Variants in GBX2 observed in about 807,000 individuals in gnomAD.
GBX2 encodes the protein homeobox protein GBX-2.
In GBX2, 5 loss-of-function variants were observed where a neutral mutation model predicts 22.4. The ratio of observed to expected loss-of-function variants is 0.22; its 90% CI spans 0.12 to 0.47. The LOEUF (loss-of-function observed/expected upper bound fraction) is 0.47, where lower values mean the gene tolerates loss of function less well. Among genes scored for constraint, GBX2 ranks in the 20% least tolerant of loss-of-function variants. The pLI is 0.99. For synonymous variants in GBX2, 220 were observed against 230.5 expected (o/e 0.95, Z 0.41); for missense variants, 470 against 495.4 (o/e 0.95, Z 0.49).
chr2:236,162,547 A>G (rs965353612), downstream of GBX2, among the ~76,000 whole-genome samples: 1 of 152,210 alleles, frequency 6.6e-6, no homozygotes, highest in Non-Finnish European at 1.5e-5. Context: ...GCGGATTTTC[A>G]GCATACCTTG....
At position 236,165,992 on chromosome 2, in the gene GBX2, G is replaced by A. The variant is rs114693893; in HGVS notation, c.969C>T (p.Ile323=). 8.1e-3 allele frequency: 13,118 copies of A among 1,614,138 alleles called. 92 individuals are homozygous for A. Among genetic ancestry groups the A allele is most frequent in the South Asian group, 0.018 (1,607 of 91,084 alleles). ...KTGEPSRNPK[I]VVPIPVHVSR... ...TGACGTGGACAGGGATGGGGACGAC[G>A]ATCTTAGGGTTCCGGGAGGGCTCCC... The change falls in exon 2 of 2, where the codon ATC becomes ATT. Residue 323 remains isoleucine (I), a synonymous_variant. Coordinates refer to ENST00000306318, the MANE Select transcript of GBX2 (RefSeq NM_001485.4).
Position 236,168,191 on chromosome 2 carries a change from C to T in GBX2, c.-220G>A. The T allele has an allele frequency of 3.0e-6, 1 of 330,526 alleles. No homozygotes were observed. The highest frequency in any genetic ancestry group is 5.2e-6 in the Non-Finnish European group (1 of 191,734). 20.5% of individuals were successfully genotyped at this position (330,526 alleles called of 1,614,324 possible). A position where few individuals can be genotyped will look rare whatever the true frequency, so the allele number is the denominator to read the frequency against. ...GCCGTGCGCCCCGGAGTGGAGAGGG[C>T]GCCCGGGCCCCGAGGGCTCGCCGGA... On this transcript the variant is annotated 5_prime_UTR_variant, in exon 1 of 2. Transcript: ENST00000306318.
At chr2:236,167,400 C>T (rs2060246517) in intron 1 of GBX2, 49 bp downstream of exon 1, 1 of 1,422,374 alleles carries the variant, frequency 7.0e-7, no homozygotes, top group South Asian at 1.5e-5. Context: ...CTGGCCCGCC[C>T]CCGCCTCCTC....
In GBX2 at chr2:236,167,845, C is replaced by G. The variant is rs753573351; in HGVS notation, c.127G>C (p.Gly43Arg). Residue 43 changes from glycine (G) to arginine (R), a missense_variant, in exon 1 of 2, where the codon GGC becomes CGC. This residue lies in a region of GBX2 where 377 missense variants were observed against 358.6 expected (regional missense o/e 1.05). Transcript: ENST00000306318. ...QPSPGHFVYT[G>R]YPMFMPYRPV... ...CGGTAGGGCATGAACATGGGGTAGC[C>G]GGTGTAGACGAAATGGCCGGGGCTG... The G allele has an allele frequency of 2.0e-6, 3 of 1,508,684 alleles. No homozygotes were observed. The South Asian group carries it at 3.8e-5, about 19-fold the overall frequency. 93.5% of individuals were successfully genotyped at this position (1,508,684 alleles called of 1,614,324 possible).
chr2:236,167,861 G>A lies in GBX2; in HGVS notation c.111C>T (p.Gly37=). 6.5e-7 allele frequency: 1 copy of A among 1,535,834 alleles called. No homozygotes were observed. Among genetic ancestry groups the A allele is most frequent in the Non-Finnish European group, 8.7e-7 (1 of 1,143,726 alleles). ...LIGSPPQPSP[G]HFVYTGYPMF... The stretch of plus-strand genomic sequence containing the variant: ...TGGGGTAGCCGGTGTAGACGAAATG[G>A]CCGGGGCTGGGCTGCGGCGGGCTGC... The change falls in exon 1 of 2, where the codon GGC becomes GGT. Residue 37 remains glycine (G), a synonymous_variant. Transcript: ENST00000306318.
rs938975242 is a variant in GBX2, at chr2:236,166,757, A to C, written c.524-320T>G. On this transcript the variant is annotated intron_variant, in intron 1 of 1. Coordinates refer to ENST00000306318, the MANE Select transcript of GBX2 (RefSeq NM_001485.4). The surrounding 1 kb of genome is among the most constrained non-coding windows in gnomAD (Gnocchi z 6.6). The stretch of plus-strand genomic sequence containing the variant: ...AGAAGTAGCAGGAGGCGCGAGGCCC[A>C]AGAGATTGCCCGCTTTGTCCCTGGG... Among the ~76,000 whole-genome samples the C allele has an allele frequency of 6.6e-6, 1 of 152,038 alleles. No individual in the cohort carries two copies. The highest frequency in any genetic ancestry group is 1.5e-5 in the Non-Finnish European group (1 of 68,006).
At position 236,166,116 on chromosome 2, in the gene GBX2, T is replaced by C. The variant is rs751429932; in HGVS notation, c.845A>G (p.His282Arg). ...LSLTERSQIA[H>R]ALKLSEVQVK... ...CTGCACCTCGCTGAGTTTGAGGGCG[T>C]GGGCGATCTGCGAGCGCTCGGTCAA... is the stretch of plus-strand genomic sequence containing the variant. The change falls in exon 2 of 2, where the codon CAC (histidine) becomes CGC (arginine). Residue 282 changes from histidine (H) to arginine (R), a missense_variant. By Grantham distance (29) the His-to-Arg change is conservative. Transcript: ENST00000306318. The surrounding 1 kb of genome is among the most constrained non-coding windows in gnomAD (Gnocchi z 6.6). 7 of 1,614,078 alleles carry C rather than the reference T, an allele frequency of 4.3e-6. No individual in the cohort carries two copies. In the South Asian group the frequency reaches 7.7e-5, roughly 18 times the overall value.
rs752619651 is a variant in GBX2, at chr2:236,167,864, G to C, written c.108C>G (p.Pro36=). The change falls in exon 1 of 2, where the codon CCC becomes CCG. Residue 36 remains proline, a synonymous_variant. Transcript: ENST00000306318. ...SLIGSPPQPS[P]GHFVYTGYPM... Reference sequence around the variant, plus strand: ...GGTAGCCGGTGTAGACGAAATGGCCGGGGCTGGGCTGCGGCGGGCTGCCGA... The same window carrying C: ...GGTAGCCGGTGTAGACGAAATGGCCCGGGCTGGGCTGCGGCGGGCTGCCGA... 4.6e-6 allele frequency: 7 copies of C among 1,537,592 alleles called. No individual in the cohort carries two copies. The East Asian group carries it at 8.2e-5, about 18-fold the overall frequency.
chr2:236,165,995 C>G lies in GBX2; in HGVS notation c.966G>C (p.Lys322Asn). ...CGTGGACAGGGATGGGGACGACGAT[C>G]TTAGGGTTCCGGGAGGGCTCCCCTG... ...SKTGEPSRNP[K>N]IVVPIPVHVS... Residue 322 changes from lysine (K) to asparagine (N), a missense_variant, in exon 2 of 2, where the codon AAG becomes AAC. Lys to Asn is a moderately conservative substitution (Grantham distance 94). Coordinates refer to ENST00000306318, the MANE Select transcript of GBX2 (RefSeq NM_001485.4). 6.2e-7 allele frequency: 1 copy of G among 1,614,202 alleles called. No homozygotes were observed. The highest frequency in any genetic ancestry group is 8.5e-7 in the Non-Finnish European group (1 of 1,180,038).
Position 236,166,142 on chromosome 2 carries a change from G to A in GBX2, c.819C>T (p.Ser273=), listed in dbSNP as rs371662608. Reference sequence around the variant, plus strand: ...GGGCGATCTGCGAGCGCTCGGTCAAGGAGAGGTACTTTTTGCAGTGGAACT... The same window carrying A: ...GGGCGATCTGCGAGCGCTCGGTCAAAGAGAGGTACTTTTTGCAGTGGAACT... ...EKEFHCKKYL[S]LTERSQIAHA... is the part of the protein sequence containing the mutation. Residue 273 remains serine (S), a synonymous_variant, in exon 2 of 2, where the codon TCC becomes TCT. Coordinates refer to ENST00000306318, the MANE Select transcript of GBX2 (RefSeq NM_001485.4). This position sits in a 1 kb window ranked among gnomAD's most constrained non-coding sequence, Gnocchi z 6.6. 2 of 1,614,216 alleles carry A rather than the reference G, an allele frequency of 1.2e-6. No individual in the cohort carries two copies. Among genetic ancestry groups the A allele is most frequent in the Non-Finnish European group, 1.7e-6 (2 of 1,180,044 alleles).
chr2:236,167,203 T>C (rs2060244793), intron 1 of GBX2: 4 of 1,534,726 alleles, frequency 2.6e-6, no homozygotes, highest in African/African-American at 2.7e-5. Flanking sequence ...CAGATAGATA[T>C]GTGGCCCAGG....
chr2:236,165,934 G>A lies in GBX2; in HGVS notation c.1027C>T (p.Leu343=). 1.2e-6 allele frequency: 2 copies of A among 1,613,896 alleles called. No homozygotes were observed. Among genetic ancestry groups the A allele is most frequent in the African/African-American group, 2.7e-5 (2 of 75,050 alleles). ...GACCCTCAGGGCCGGGCCTGTTCTA[G>A]CTGCTGATGCTGACTTCTGATAGCG... ...RFAIRSQHQQ[L]EQARP Residue 343 remains leucine, a synonymous_variant, in exon 2 of 2, where the codon CTA becomes TTA. Transcript: ENST00000306318.
At position 236,165,724 on chromosome 2, in the gene GBX2, T is replaced by G; in HGVS notation, c.*190A>C. 1 of 589,654 alleles carries G rather than the reference T, an allele frequency of 1.7e-6. No homozygotes were observed. The highest frequency in any genetic ancestry group is 3.0e-6 in the Non-Finnish European group (1 of 331,522). The allele number at this position is 589,654 out of a possible 1,614,324, so 36.5% of individuals were successfully genotyped here. On this transcript the variant is annotated 3_prime_UTR_variant, in exon 2 of 2. Coordinates refer to ENST00000306318, the MANE Select transcript of GBX2 (RefSeq NM_001485.4). The stretch of plus-strand genomic sequence containing the variant: ...AGTATAATAAATATTTAGCGTGTCT[T>G]CTGGTGTGGCTGTAAGCCCCTTCAA...
At chr2:236,167,347 G>C in intron 1 of GBX2, 102 bp downstream of exon 1, 2 of 1,388,684 alleles carry the variant, frequency 1.4e-6, no homozygotes, top group Non-Finnish European at 1.9e-6. Context: ...GGGTCGAGCG[G>C]GGGCGCGGCC....
chr2:236,164,452 G>T (rs941708828), downstream of GBX2, among the ~76,000 whole-genome samples: 1 of 152,224 alleles, frequency 6.6e-6, no homozygotes, highest in African/African-American at 2.4e-5. Flanking sequence ...AGGGCTCTGA[G>T]CGCAGGGCCG....
downstream of GBX2, among the ~76,000 whole-genome samples, chr2:236,163,374 G>A (rs1250732597): frequency 2.0e-5 from 3 of 152,166 alleles, no homozygotes; most frequent in Non-Finnish European, 4.4e-5. Flanking sequence ...CGAGGACCTC[G>A]AGGCTGGGAG....
At position 236,166,422 on chromosome 2, in the gene GBX2, C is replaced by T; in HGVS notation, c.539G>A (p.Gly180Glu). 1 of 1,611,336 alleles carries T rather than the reference C, an allele frequency of 6.2e-7. No homozygotes were observed. Among genetic ancestry groups the T allele is most frequent in the East Asian group, 2.2e-5 (1 of 44,764 alleles). ...CACCTTTGACTCGTCTTTCCCTTGC[C>T]CTCGGACAGCCCCGACTGAAAGCAA... ...VQASLVGAVR[G>E]QGKDESKVED... The change falls in exon 2 of 2, where the codon GGG becomes GAG. Residue 180 changes from glycine (G) to glutamate (E), a missense_variant. Physicochemically the swap from Gly to Glu is moderately conservative, Grantham distance 98 (BLOSUM62 -2). Around this residue, in one of 4 missense-constraint regions of GBX2, gnomAD observed 377 missense variants for 358.6 expected, o/e 1.05. Transcript: ENST00000306318. This position sits in a 1 kb window ranked among gnomAD's most constrained non-coding sequence, Gnocchi z 6.6.
downstream of GBX2, among the ~76,000 whole-genome samples, chr2:236,163,911 G>C (rs1360032639): frequency 6.6e-6 from 1 of 152,082 alleles, no homozygotes; most frequent in African/African-American, 2.4e-5. Flanking sequence ...CGCTGGGCGG[G>C]GCGCGGCCAG....
downstream of GBX2, among the ~76,000 whole-genome samples, chr2:236,161,358 T>C (rs2060212935): frequency 6.6e-6 from 1 of 152,272 alleles, no homozygotes; most frequent in Non-Finnish European, 1.5e-5. Context: ...ATGTAATTTA[T>C]AATTTATGCA....
Sources: allele counts gnomAD v4.1 joint callset (sites outside exome capture counted in the v4.1 genomes callset), GRCh38; gene constraint gnomAD v4.1.1; regional missense constraint gnomAD v4.1.1; non-coding constraint Gnocchi (gnomAD v3.1); transcripts MANE v1.5; gene names NCBI Gene and HGNC (gene_info 2026-07-23, HGNC 2026-07-21).